PPP2R2B: variants seen among roughly 807,000 people sequenced by gnomAD.
PPP2R2B encodes serine/threonine-protein phosphatase 2A 55 kDa regulatory subunit B beta isoform.
In PPP2R2B, 5 loss-of-function variants were observed where a neutral mutation model predicts 46.0. That is an observed-to-expected ratio of 0.11 (90% CI 0.06 to 0.23). The LOEUF is 0.23. Among genes scored for constraint, PPP2R2B ranks in the 10% least tolerant of loss-of-function variants. PPP2R2B has a pLI of 1.00. For synonymous variants in PPP2R2B, 215 were observed against 206.7 expected, an observed-to-expected ratio of 1.04 and a Z score of -0.34; for missense variants, 367 against 575.0, an observed-to-expected ratio of 0.64 and a Z score of 3.70.
chr5:147,023,195 A>G (rs1755368947), intron 1 of PPP2R2B, among the ~76,000 whole-genome samples: 1 of 152,234 alleles, frequency 6.6e-6, no homozygotes, highest in Non-Finnish European at 1.5e-5. Context: ...TTCTTACATT[A>G]TACGTAAGTG....
At position 146,875,292 on chromosome 5, in the gene PPP2R2B, G is replaced by A. The variant is rs138934551; in HGVS notation, c.70+2710C>T. 3.9e-3 allele frequency among the ~76,000 whole-genome samples: 600 copies of A among 152,224 alleles called. 3 individuals carry two copies. Among genetic ancestry groups the A allele is most frequent in the African/African-American group, 0.013 (544 of 41,548 alleles). On this transcript the variant is annotated intron_variant, in intron 2 of 9. Transcript: ENST00000394411. ...AAAGATGTTAACTTTAAAAGAGGAGGAAAGGTAGGGGAGGGTGGTAATTTT... is the reference window on the plus strand; with the variant it reads ...AAAGATGTTAACTTTAAAAGAGGAGAAAAGGTAGGGGAGGGTGGTAATTTT...
At chr5:147,033,528 G>T (rs1382831434) in intron 1 of PPP2R2B, among the ~76,000 whole-genome samples, 2 of 152,168 alleles carry the variant, frequency 1.3e-5, no homozygotes, top group Admixed American at 1.3e-4. Flanking sequence ...CTCATAGCTA[G>T]ATTGTACTTC....
chr5:146,823,077 C>T (rs1758366263), intron 2 of PPP2R2B, among the ~76,000 whole-genome samples: 1 of 152,198 alleles, frequency 6.6e-6, no homozygotes, highest in South Asian at 2.1e-4. Context: ...AAAGGTTACA[C>T]ATGCTTCTTC....
At chr5:147,012,183 A>G (rs1019296866) in intron 1 of PPP2R2B, among the ~76,000 whole-genome samples, 31 of 152,048 alleles carry the variant, frequency 2.0e-4, no homozygotes, top group African/African-American at 7.5e-4. Flanking sequence ...CTCTGGTAGA[A>G]TTCAGCTGTG....
upstream of PPP2R2B, among the ~76,000 whole-genome samples, chr5:146,882,778 A>G (rs192177873): frequency 4.9e-3 from 752 of 152,330 alleles, 6 homozygotes; most frequent in South Asian, 0.016. Flanking sequence ...TTTACAGTTT[A>G]TGTAAAAGGG....
chr5:146,896,392 G>T (rs1356536087), intron 1 of PPP2R2B, among the ~76,000 whole-genome samples: 2 of 152,096 alleles, frequency 1.3e-5, no homozygotes, highest in Non-Finnish European at 2.9e-5. Flanking sequence ...CTGATGTGGG[G>T]CTCAAACCCA....
intron 2 of PPP2R2B, among the ~76,000 whole-genome samples, chr5:146,822,705 T>G (rs114518860): frequency 3.9e-5 from 6 of 152,162 alleles, no homozygotes; most frequent in African/African-American, 7.2e-5. Context: ...CCACAGATTA[T>G]TATTAGAAAA....
chr5:146,952,045 A>G (rs1413093051), intron 1 of PPP2R2B, among the ~76,000 whole-genome samples: 1 of 150,562 alleles, frequency 6.6e-6, no homozygotes, highest in Non-Finnish European at 1.5e-5. Flanking sequence ...TTAGAGGATC[A>G]TGGAAATTTA....
At chr5:146,970,371 C>T (rs1011671250) in intron 1 of PPP2R2B, among the ~76,000 whole-genome samples, 2 of 151,868 alleles carry the variant, frequency 1.3e-5, no homozygotes, top group East Asian at 1.9e-4. Flanking sequence ...GAGGCCGAGG[C>T]GGGCGGATCA....
At chr5:146,891,925 C>T (rs111843874) in intron 1 of PPP2R2B, among the ~76,000 whole-genome samples, 15 of 152,260 alleles carry the variant, frequency 9.9e-5, no homozygotes, top group African/African-American at 3.4e-4. Context: ...AAACCAAGCA[C>T]AGGACCCTTC....
chr5:146,811,947 G>A (rs542940738), intron 2 of PPP2R2B, among the ~76,000 whole-genome samples: 3 of 151,968 alleles, frequency 2.0e-5, no homozygotes, highest in East Asian at 1.9e-4. Flanking sequence ...ATCACATCTC[G>A]ATGCATATTT....
chr5:147,000,023 T>C (rs773529655), intron 1 of PPP2R2B, among the ~76,000 whole-genome samples: 10 of 152,166 alleles, frequency 6.6e-5, no homozygotes, highest in Admixed American at 3.9e-4. Context: ...AAAAAAATTC[T>C]CAGGTGCTAC....
intron 5 of PPP2R2B, among the ~76,000 whole-genome samples, chr5:146,677,058 C>T (rs1372079938): frequency 1.1e-5 from 1 of 94,934 alleles, no homozygotes; most frequent in Non-Finnish European, 1.9e-5. Flanking sequence ...TTGTTGTCTG[C>T]TTTGTCTGCT....
chr5:147,014,213 A>G (rs375912197), intron 1 of PPP2R2B, among the ~76,000 whole-genome samples: 19 of 133,290 alleles, frequency 1.4e-4, no homozygotes, highest in Non-Finnish European at 2.7e-4. Flanking sequence ...TTAGAATGGC[A>G]ATCATTAGAA....
intron 6 of PPP2R2B, among the ~76,000 whole-genome samples, chr5:146,647,439 G>A (rs185459276): frequency 1.8e-4 from 27 of 152,300 alleles, no homozygotes; most frequent in Middle Eastern, 3.4e-3. Context: ...GTGATGAGAG[G>A]CTCAGTGCTT....
chr5:146,591,673 CAA>C (rs375880724), intron 9 of PPP2R2B, among the ~76,000 whole-genome samples: 19 of 72,520 alleles, frequency 2.6e-4, no homozygotes, highest in Admixed American at 4.7e-4. Flanking sequence ...GATTATTTTC[CAA>C]AAAAAAAAAA....
intron 8 of PPP2R2B, among the ~76,000 whole-genome samples, chr5:146,598,651 G>A (rs572764322): frequency 6.6e-6 from 1 of 152,152 alleles, no homozygotes; most frequent in Non-Finnish European, 1.5e-5. Flanking sequence ...AAATTTTGGA[G>A]TAATCCTTGA....
chr5:146,673,435 C>A (rs1561820874), intron 5 of PPP2R2B, among the ~76,000 whole-genome samples: 2 of 151,670 alleles, frequency 1.3e-5, no homozygotes, highest in Admixed American at 6.6e-5. Flanking sequence ...ATCAACAGAA[C>A]TTTTTTTGGG....
chr5:146,926,228 G>A (rs1337494519), intron 1 of PPP2R2B, among the ~76,000 whole-genome samples: 1 of 151,752 alleles, frequency 6.6e-6, no homozygotes, highest in Non-Finnish European at 1.5e-5. Flanking sequence ...ACATTGCAAC[G>A]ACTCTGAATT....
Sources: gnomAD v4.1 joint callset for allele counts (sites outside exome capture counted in the v4.1 genomes callset) on GRCh38, gnomAD v4.1.1 for gene constraint, MANE v1.5 for transcripts, NCBI Gene and HGNC (gene_info 2026-07-23, HGNC 2026-07-21) for gene names.